Variants in FAM83F observed in about 807,000 individuals in gnomAD.
FAM83F encodes scaffolding CK1 anchoring protein F.
A neutral mutation model predicts 42.9 loss-of-function variants in FAM83F; 45 were observed. The observed-to-expected ratio is 1.05, with a 90% confidence interval of 0.83 to 1.35. The LOEUF (loss-of-function observed/expected upper bound fraction) is 1.35. Among genes scored for constraint, FAM83F ranks in the 40% most tolerant of loss-of-function variants. The pLI, the probability that FAM83F is intolerant of heterozygous loss-of-function variation, is 0.00. For synonymous variants in FAM83F, 306 were observed against 298.3 expected, an observed-to-expected ratio of 1.03 and a Z score of -0.27; for missense variants, 617 against 695.9, an observed-to-expected ratio of 0.89 and a Z score of 1.28.
rs2067642331 is a variant in FAM83F, at chr22:40,039,528, C to G, written c.*9963C>G. On this transcript the variant is annotated 3_prime_UTR_variant, in exon 5 of 5. Transcript: ENST00000333407. ...AAGCTTAGATAGTTTGTGTGACTTG[C>G]AAAAAGTCACGCAGCAAACAAGCTG... The G allele has an allele frequency of 6.6e-6, 1 of 152,136 alleles. No homozygotes were observed. The highest frequency in any genetic ancestry group is 2.4e-5 in the African/African-American group (1 of 41,402). The allele number at this position is 152,136 out of a possible 1,614,324, so 9.4% of individuals were successfully genotyped here. A position where few individuals can be genotyped will look rare whatever the true frequency, so the allele number is the denominator to read the frequency against.
intron 1 of FAM83F, among the ~76,000 whole-genome samples, chr22:40,005,229 G>A (rs771521359): frequency 5.3e-5 from 8 of 152,184 alleles, no homozygotes; most frequent in Admixed American, 2.6e-4. Flanking sequence ...GCCCTGCCTC[G>A]CTCTGTCCAT....
intron 1 of FAM83F, among the ~76,000 whole-genome samples, chr22:40,006,823 G>A (rs971120421): frequency 7.2e-5 from 11 of 152,078 alleles, no homozygotes; most frequent in African/African-American, 2.7e-4. Context: ...TACGGGGTCC[G>A]TCTGCCAAGA....
chr22:39,995,602 C>A lies in FAM83F; in HGVS notation c.489+71C>A, dbSNP rs2067370615. On this transcript the variant is annotated intron_variant, in intron 1 of 4. Transcript: ENST00000333407. This position sits in a 1 kb window ranked among gnomAD's most constrained non-coding sequence, Gnocchi z 4.6. ...GTCCCCTGGACCGGGCCCCACCTCC[C>A]AGGCAGGGCCCGGGGCAGGCCGCCC... 1 of 1,453,924 alleles carries A rather than the reference C, an allele frequency of 6.9e-7. No homozygotes were observed. Among genetic ancestry groups the A allele is most frequent in the Non-Finnish European group, 9.1e-7 (1 of 1,101,498 alleles). 90.1% of individuals were successfully genotyped at this position (1,453,924 alleles called of 1,614,324 possible).
chr22:40,028,287 C>G (rs2067566089), intron 4 of FAM83F, among the ~76,000 whole-genome samples: 1 of 152,214 alleles, frequency 6.6e-6, no homozygotes, highest in African/African-American at 2.4e-5. Flanking sequence ...TGGGCAGGAG[C>G]AGCAGCCTGT....
chr22:40,037,937 C>G lies in FAM83F; in HGVS notation c.*8372C>G, dbSNP rs1359091271. Reference sequence around the variant, plus strand: ...CTTGCTATGTTGTCTAGGCTGGTCTCTAACTCCTGGGCTCAAGTGATCCTC... The same window carrying G: ...CTTGCTATGTTGTCTAGGCTGGTCTGTAACTCCTGGGCTCAAGTGATCCTC... On this transcript the variant is annotated 3_prime_UTR_variant, in exon 5 of 5. Transcript: ENST00000333407. 6.6e-6 allele frequency: 1 copy of G among 152,266 alleles called. No individual in the cohort carries two copies. Among genetic ancestry groups the G allele is most frequent in the Non-Finnish European group, 1.5e-5 (1 of 68,122 alleles). The allele number at this position is 152,266 out of a possible 1,614,324, so 9.4% of individuals were successfully genotyped here. A position where few individuals can be genotyped will look rare whatever the true frequency, so the allele number is the denominator to read the frequency against.
intron 1 of FAM83F, among the ~76,000 whole-genome samples, chr22:40,013,200 A>T (rs927840666): frequency 6.6e-6 from 1 of 151,708 alleles, no homozygotes; most frequent in Non-Finnish European, 1.5e-5. Context: ...TGTCATGAAG[A>T]TAATTTCTTG....
rs1036244179 is a variant in FAM83F at position 40,042,388 on chromosome 22, G to A, written c.*12823G>A. ...TCCCATTCTGCTCCCTGCCACCAGA[G>A]AGCAAATGTCGTAGGTCACCACACA... On this transcript the variant is annotated 3_prime_UTR_variant, in exon 5 of 5. Transcript: ENST00000333407. 12 of 152,082 alleles carry A rather than the reference G, an allele frequency of 7.9e-5. No individual in the cohort carries two copies. Among genetic ancestry groups the A allele is most frequent in the Admixed American group, 2.0e-4 (3 of 15,276 alleles). 9.4% of individuals were successfully genotyped at this position (152,082 alleles called of 1,614,324 possible). A position where few individuals can be genotyped will look rare whatever the true frequency, so the allele number is the denominator to read the frequency against.
intron 1 of FAM83F, among the ~76,000 whole-genome samples, chr22:40,014,719 C>T (rs2067484962): frequency 6.6e-6 from 1 of 151,966 alleles, no homozygotes; most frequent in Admixed American, 6.6e-5. Flanking sequence ...CTATCTTGTT[C>T]AGTCTTTTTA....
intron 1 of FAM83F, among the ~76,000 whole-genome samples, chr22:40,005,386 A>G (rs1220045753): frequency 9.2e-5 from 14 of 152,218 alleles, no homozygotes; most frequent in Non-Finnish European, 4.4e-5. Flanking sequence ...CTTGCATTAG[A>G]TAATTTTCAC....
intron 1 of FAM83F, among the ~76,000 whole-genome samples, chr22:40,013,735 G>C (rs1032755774): frequency 2.6e-5 from 4 of 151,856 alleles, no homozygotes; most frequent in Non-Finnish European, 5.9e-5. Flanking sequence ...GAGAGTATTC[G>C]ATTTTTAAAA....
chr22:39,999,324 T>C (rs940218109), intron 1 of FAM83F, among the ~76,000 whole-genome samples: 1 of 152,172 alleles, frequency 6.6e-6, no homozygotes. Flanking sequence ...CCAGGCTCCC[T>C]TGTGACCAGC....
intron 1 of FAM83F, among the ~76,000 whole-genome samples, chr22:40,013,900 T>C (rs2067480311): frequency 6.6e-6 from 1 of 152,016 alleles, no homozygotes; most frequent in Admixed American, 6.5e-5. Flanking sequence ...TTATTTTCTT[T>C]CTTTCATTCC....
At chr22:40,019,426 G>A in intron 2 of FAM83F, 91 bp downstream of exon 2, 1 of 1,241,326 alleles carries the variant, frequency 8.1e-7, no homozygotes, top group African/African-American at 1.5e-5. Flanking sequence ...CCTCTTCCCT[G>A]AATGGGGGCT....
intron 1 of FAM83F, among the ~76,000 whole-genome samples, chr22:39,997,003 C>T (rs1289385256): frequency 6.6e-6 from 1 of 152,236 alleles, no homozygotes; most frequent in East Asian, 1.9e-4. Flanking sequence ...GTGCCATCCA[C>T]TGTGTTAATG....
At chr22:40,004,512 A>G (rs1018905114) in intron 1 of FAM83F, among the ~76,000 whole-genome samples, 3 of 152,120 alleles carry the variant, frequency 2.0e-5, no homozygotes, top group African/African-American at 7.2e-5. Flanking sequence ...CATGTTGCCC[A>G]GGCTGGCCTT....
chr22:40,028,923 GT>G (rs1272522279), intron 4 of FAM83F, among the ~76,000 whole-genome samples: 1 of 152,218 alleles, frequency 6.6e-6, no homozygotes, highest in Non-Finnish European at 1.5e-5. Flanking sequence ...GGAAGGCCAG[GT>G]TCTGGCACTG....
Position 39,995,103 on chromosome 22 carries a change from G to A in FAM83F, c.61G>A (p.Ala21Thr). Residue 21 changes from alanine to threonine, a missense_variant, in exon 1 of 5, where the codon GCG becomes ACG. Physicochemically the swap from Ala to Thr is moderately conservative, Grantham distance 58. Transcript: ENST00000333407. The surrounding 1 kb of genome is among the most constrained non-coding windows in gnomAD (Gnocchi z 4.6). ...GCACGTGAACGAGAAGGTGACCGAG[G>A]CGCAGGCCGCCTTCTACTACTGCGA... The part of the protein sequence containing the change: ...EAHVNEKVTE[A>T]QAAFYYCERR... 2.2e-6 allele frequency: 3 copies of A among 1,358,856 alleles called. No homozygotes were observed. Among genetic ancestry groups the A allele is most frequent in the Non-Finnish European group, 2.8e-6 (3 of 1,064,418 alleles). 84.2% of individuals were successfully genotyped at this position (1,358,856 alleles called of 1,614,324 possible).
intron 1 of FAM83F, among the ~76,000 whole-genome samples, chr22:40,000,577 G>A (rs767665923): frequency 6.6e-6 from 1 of 152,092 alleles, no homozygotes; most frequent in Non-Finnish European, 1.5e-5. Context: ...CACTTTGCTG[G>A]ACATTGAGAT....
Position 40,031,803 on chromosome 22 carries a change from C to G in FAM83F, c.*2238C>G, listed in dbSNP as rs981502962. 1 of 152,268 alleles carries G rather than the reference C, an allele frequency of 6.6e-6. No individual in the cohort carries two copies. The allele number at this position is 152,268 out of a possible 1,614,324, so 9.4% of individuals were successfully genotyped here. On this transcript the variant is annotated 3_prime_UTR_variant, in exon 5 of 5. Transcript: ENST00000333407. ...TGGACAAGATGGTGTCGGCACCCCCCGCTCCAAAAGGCTTGAGACAGAAAC... is the reference window on the plus strand; with the variant it reads ...TGGACAAGATGGTGTCGGCACCCCCGGCTCCAAAAGGCTTGAGACAGAAAC...
Sources: allele counts gnomAD v4.1 joint callset (sites outside exome capture counted in the v4.1 genomes callset), GRCh38; gene constraint gnomAD v4.1.1; non-coding constraint Gnocchi (gnomAD v3.1); transcripts MANE v1.5; gene names NCBI Gene and HGNC (gene_info 2026-07-23, HGNC 2026-07-21).